The following TSC22D1 variants were observed in gnomAD, a reference collection of about 807,000 sequenced individuals.
TSC22D1 encodes the protein TSC22 domain family protein 1.
TSC22D1 carries 9 observed loss-of-function variants against 74.2 expected under a neutral mutation model. The observed-to-expected ratio is 0.12, with a 90% CI of 0.07 to 0.21. The LOEUF (loss-of-function observed/expected upper bound fraction) is 0.21, where lower values mean the gene tolerates loss of function less well. Among genes scored for constraint, TSC22D1 ranks in the 10% least tolerant of loss-of-function variants. TSC22D1 has a pLI of 1.00. For missense variants in TSC22D1, 1,427 were observed against 1,304.7 expected (o/e 1.09, Z -1.44); for synonymous variants, 586 against 492.5 (o/e 1.19, Z -2.51).
intron 1 of TSC22D1, among the ~76,000 whole-genome samples, chr13:44,496,110 CA>C (rs1183696167): frequency 6.6e-5 from 10 of 151,988 alleles, no homozygotes; most frequent in African/African-American, 2.4e-4. Context: ...TACAACTCAA[CA>C]AAAACACAAC....
chr13:44,433,615 CAT>C lies in TSC22D1; in HGVS notation c.*1009_*1010del. On this transcript the variant is annotated 3_prime_UTR_variant, in exon 3 of 3. Transcript: ENST00000458659. Reference sequence around the variant, plus strand: ...ATTGTGTAGAGAACATGCACAGAAACATATGCATATAACTACTATACAGGTGA... The same window carrying C: ...ATTGTGTAGAGAACATGCACAGAAACATGCATATAACTACTATACAGGTGA... 5.0e-6 allele frequency: 1 copy of C among 198,500 alleles called. No homozygotes were observed. Among genetic ancestry groups the C allele is most frequent in the Non-Finnish European group, 1.0e-5 (1 of 99,768 alleles). 12.3% of individuals were successfully genotyped at this position (198,500 alleles called of 1,614,324 possible).
intron 1 of TSC22D1, among the ~76,000 whole-genome samples, chr13:44,526,097 G>A (rs1880535655): frequency 6.6e-6 from 1 of 152,078 alleles, no homozygotes; most frequent in South Asian, 2.1e-4. Flanking sequence ...GTGAGACCCT[G>A]TCTCAAAAAC....
intron 1 of TSC22D1, among the ~76,000 whole-genome samples, chr13:44,549,229 A>G (rs1882036004): frequency 6.6e-6 from 1 of 152,208 alleles, no homozygotes; most frequent in Non-Finnish European, 1.5e-5. Context: ...TATAAATATG[A>G]TATTAGACAT....
At chr13:44,524,971 C>G (rs563922491) in intron 1 of TSC22D1, among the ~76,000 whole-genome samples, 1 of 152,322 alleles carries the variant, frequency 6.6e-6, no homozygotes, top group Non-Finnish European at 1.5e-5. Flanking sequence ...CCAGAACATT[C>G]TGTTATCCTT....
intron 1 of TSC22D1, among the ~76,000 whole-genome samples, chr13:44,479,247 C>T (rs533384679): frequency 1.1e-4 from 17 of 152,142 alleles, no homozygotes; most frequent in African/African-American, 3.1e-4. Flanking sequence ...GCCCAACCCA[C>T]GGGCATGGCC....
Position 44,573,169 on chromosome 13 carries a change from T to C in TSC22D1, c.2906A>G (p.Asp969Gly), listed in dbSNP as rs144252895. 8 of 1,613,788 alleles carry C rather than the reference T, an allele frequency of 5.0e-6. No individual in the cohort carries two copies. Among genetic ancestry groups the C allele is most frequent in the African/African-American group, 1.3e-5 (1 of 75,050 alleles). The change falls in exon 1 of 3, where the codon GAT becomes GGT. Residue 969 changes from aspartate (D) to glycine (G), a missense_variant. By Grantham distance (94) the Asp-to-Gly change is moderately conservative. Around this residue, in one of 3 missense-constraint regions of TSC22D1, gnomAD observed 1,343 missense variants for 1,191.5 expected, o/e 1.13. Coordinates refer to ENST00000458659, the MANE Select transcript of TSC22D1 (RefSeq NM_183422.4). ...AAATATGACATGATCTTACCTCTCA[T>C]CCTCGCCATCCACCAGGGGTGTCGT... ...PLTTPLVDGE[D>G]ESSSGASVVA... is the part of the protein sequence containing the mutation.
chr13:44,467,850 A>G (rs1246754675), intron 1 of TSC22D1, among the ~76,000 whole-genome samples: 1 of 152,202 alleles, frequency 6.6e-6, no homozygotes, highest in Non-Finnish European at 1.5e-5. Flanking sequence ...TCAGAAAACT[A>G]AAAGAAGATC....
chr13:44,437,284 C>T (rs1874788849), intron 1 of TSC22D1: 2 of 980,836 alleles, frequency 2.0e-6, no homozygotes, highest in Non-Finnish European at 2.4e-6. Flanking sequence ...CATGCCCAGT[C>T]CCACCACTGT....
intron 1 of TSC22D1, among the ~76,000 whole-genome samples, chr13:44,531,450 A>C (rs17277505): frequency 0.11 from 16,305 of 152,142 alleles, 950 homozygotes; most frequent in Non-Finnish European, 0.12. Context: ...GGTCTTGTAA[A>C]CTCTGAGCTT....
intron 1 of TSC22D1, among the ~76,000 whole-genome samples, chr13:44,554,035 A>C (rs1019600396): frequency 6.6e-6 from 1 of 152,216 alleles, no homozygotes; most frequent in African/African-American, 2.4e-5. Flanking sequence ...TGAACAAGTA[A>C]ACAAGCTTTC....
At chr13:44,536,097 T>C (rs903746215) in intron 1 of TSC22D1, among the ~76,000 whole-genome samples, 2 of 151,908 alleles carry the variant, frequency 1.3e-5, no homozygotes, top group Non-Finnish European at 3.0e-5. Context: ...ACCAGGTTAA[T>C]AAAGCCAAGA....
chr13:44,432,986 C>T lies in TSC22D1; in HGVS notation c.*1640G>A, dbSNP rs1874175100. On this transcript the variant is annotated 3_prime_UTR_variant, in exon 3 of 3. Transcript: ENST00000458659. ...GACATCCTTGCTCATCTGGTCCCAC[C>T]TCAAATCATCTTTTGCTTAGACAAA... 6.6e-6 allele frequency: 1 copy of T among 152,170 alleles called. No homozygotes were observed. The highest frequency in any genetic ancestry group is 2.4e-5 in the African/African-American group (1 of 41,438). 9.4% of individuals were successfully genotyped at this position (152,170 alleles called of 1,614,324 possible).
chr13:44,444,521 G>A lies in TSC22D1; in HGVS notation c.2913-8426C>T, dbSNP rs555166299. Among the ~76,000 whole-genome samples, 4 of 151,856 alleles carry A rather than the reference G, an allele frequency of 2.6e-5. No individual in the cohort carries two copies. In the South Asian group the frequency reaches 8.3e-4, roughly 32 times the overall value. On this transcript the variant is annotated intron_variant, in intron 1 of 2. Transcript: ENST00000458659. ...TCCATGTTAACAATAAAAGAAAGCT[G>A]AGGTGGCTATATTACTCAAAGTAGA...
At chr13:44,474,679 TGAAG>T (rs1037450686) in intron 1 of TSC22D1, among the ~76,000 whole-genome samples, 6 of 149,102 alleles carry the variant, frequency 4.0e-5, no homozygotes, top group South Asian at 2.1e-4. Flanking sequence ...AGAGAAAGGA[TGAAG>T]GAAGGGTTAA....
At chr13:44,498,060 A>G (rs917422996) in intron 1 of TSC22D1, among the ~76,000 whole-genome samples, 1 of 151,120 alleles carries the variant, frequency 6.6e-6, no homozygotes. Context: ...TCCAAGATCT[A>G]TGCTCAGCCT....
intron 1 of TSC22D1, among the ~76,000 whole-genome samples, chr13:44,543,656 C>T (rs141080917): frequency 3.9e-5 from 6 of 152,136 alleles, no homozygotes; most frequent in South Asian, 2.1e-4. Flanking sequence ...GCTTGGCACA[C>T]GGAATAGGTA....
intron 1 of TSC22D1, among the ~76,000 whole-genome samples, chr13:44,518,450 G>T (rs918025882): frequency 7.2e-5 from 11 of 152,168 alleles, no homozygotes; most frequent in African/African-American, 2.6e-4. Context: ...ATTTATCTAA[G>T]ATTGTACAAT....
chr13:44,485,580 C>T (rs1878393392), intron 1 of TSC22D1, among the ~76,000 whole-genome samples: 1 of 152,034 alleles, frequency 6.6e-6, no homozygotes, highest in African/African-American at 2.4e-5. Context: ...GAAATGGGTA[C>T]TCAGATATTT....
At chr13:44,506,129 GAAGT>G (rs2137995419) in intron 1 of TSC22D1, among the ~76,000 whole-genome samples, 1 of 152,280 alleles carries the variant, frequency 6.6e-6, no homozygotes, top group Non-Finnish European at 1.5e-5. Flanking sequence ...AAGGTATAAC[GAAGT>G]AATAATGATG....
Sources: gnomAD v4.1 joint callset for allele counts (sites outside exome capture counted in the v4.1 genomes callset) on GRCh38, gnomAD v4.1.1 for gene constraint, gnomAD v4.1.1 regional missense constraint, MANE v1.5 for transcripts, NCBI Gene and HGNC (gene_info 2026-07-23, HGNC 2026-07-21) for gene names.